The following SPON1 variants were observed in gnomAD, a reference collection of about 807,000 sequenced individuals.
SPON1 encodes the protein spondin-1.
SPON1 carries 52 observed loss-of-function variants against 111.7 expected under a neutral mutation model. The ratio of observed to expected loss-of-function variants is 0.47; its 90% CI spans 0.37 to 0.59. SPON1 has a LOEUF of 0.59. Among genes scored for constraint, SPON1 ranks in the 20% least tolerant of loss-of-function variants. The pLI is 0.00. For missense variants in SPON1, 957 were observed against 1,068.5 expected (o/e 0.90, Z 1.46); for synonymous variants, 410 against 395.8 (o/e 1.04, Z -0.43).
intron 2 of SPON1, among the ~76,000 whole-genome samples, chr11:14,000,101 TA>T (rs1848305469): frequency 6.6e-6 from 1 of 152,216 alleles, no homozygotes. Context: ...TTTTCTATGT[TA>T]GACATCTTTT....
At position 14,259,219 on chromosome 11, in the gene SPON1, G is replaced by A. The variant is rs142369684; in HGVS notation, c.1493-61G>A. On this transcript the variant is annotated intron_variant, in intron 11 of 15. Coordinates refer to ENST00000576479, the MANE Select transcript of SPON1 (RefSeq NM_006108.4). This position sits in a 1 kb window ranked among gnomAD's most constrained non-coding sequence, Gnocchi z 5.0. Reference sequence around the variant, plus strand: ...CCCGCTGGCGGGAAGTTCCCACCGCGCAGCCTGGCAGGCGCCCCTGCCACC... The same window carrying A: ...CCCGCTGGCGGGAAGTTCCCACCGCACAGCCTGGCAGGCGCCCCTGCCACC... 42,451 of 1,493,550 alleles carry A rather than the reference G, an allele frequency of 0.028. 711 individuals carry two copies. The highest frequency in any genetic ancestry group is 0.033 in the Non-Finnish European group (36,877 of 1,116,776). 92.5% of individuals were successfully genotyped at this position (1,493,550 alleles called of 1,614,324 possible).
intron 5 of SPON1, among the ~76,000 whole-genome samples, chr11:14,087,357 T>C (rs1435988311): frequency 4.6e-5 from 7 of 152,312 alleles, no homozygotes; most frequent in African/African-American, 1.4e-4. Context: ...TTTATTCCCA[T>C]TGGTTTCAAA....
intron 6 of SPON1, among the ~76,000 whole-genome samples, chr11:14,195,648 G>T (rs1554934979): frequency 1.3e-5 from 2 of 152,146 alleles, no homozygotes; most frequent in Non-Finnish European, 2.9e-5. Context: ...AGGTTTTAGT[G>T]GGCAGTGAAC....
intron 3 of SPON1, among the ~76,000 whole-genome samples, chr11:14,043,547 G>GGGTTCCC (rs1294141749): frequency 1.3e-5 from 2 of 152,216 alleles, no homozygotes; most frequent in Non-Finnish European, 2.9e-5. Context: ...TCTTAGCCCA[G>GGGTTCCC]AGACTGGGTT....
At chr11:14,013,065 A>G (rs1185028192) in intron 2 of SPON1, among the ~76,000 whole-genome samples, 2 of 152,150 alleles carry the variant, frequency 1.3e-5, no homozygotes, top group Non-Finnish European at 2.9e-5. Flanking sequence ...TCTAAATGTA[A>G]TTTCACACAT....
chr11:13,964,050 C>T (rs1847996435), intron 1 of SPON1, among the ~76,000 whole-genome samples: 1 of 152,102 alleles, frequency 6.6e-6, no homozygotes, highest in Non-Finnish European at 1.5e-5. Context: ...TGAGAGCCTC[C>T]TAGGCGGGAC....
At chr11:13,986,791 C>T (rs1300149600) in intron 2 of SPON1, among the ~76,000 whole-genome samples, 1 of 152,088 alleles carries the variant, frequency 6.6e-6, no homozygotes, top group Non-Finnish European at 1.5e-5. Flanking sequence ...TCAACTCCCA[C>T]TTATGAGTGT....
At chr11:14,015,521 C>A (rs1848438387) in intron 2 of SPON1, among the ~76,000 whole-genome samples, 1 of 152,270 alleles carries the variant, frequency 6.6e-6, no homozygotes, top group Admixed American at 6.5e-5. Context: ...TTTTAGGGGA[C>A]ATTCAGACCA....
chr11:14,212,321 A>G (rs1447594278), intron 6 of SPON1, among the ~76,000 whole-genome samples: 2 of 152,040 alleles, frequency 1.3e-5, no homozygotes, highest in African/African-American at 2.4e-5. Context: ...AAAAATTTCT[A>G]CCTCCATTAC....
rs569794197 is a variant in SPON1 at position 13,996,724 on chromosome 11, T to TATATATATATAC, written c.345+13772_345+13773insTATATATATACA. Among the ~76,000 whole-genome samples the TATATATATATAC allele has an allele frequency of 9.8e-3, 1,484 of 152,012 alleles. 38 individuals carry two copies. Among genetic ancestry groups the TATATATATATAC allele is most frequent in the African/African-American group, 0.034 (1,397 of 41,400 alleles). On this transcript the variant is annotated intron_variant, in intron 2 of 15. Coordinates refer to ENST00000576479, the MANE Select transcript of SPON1 (RefSeq NM_006108.4). Reference sequence around the variant, plus strand: ...ACACCTATGTGTGTATATATATATATACACACACACCTATATATATAATTT... The same window carrying TATATATATATAC: ...ACACCTATGTGTGTATATATATATATATATATATATACACACACACACCTATATATATAATTT...
intron 5 of SPON1, among the ~76,000 whole-genome samples, chr11:14,103,487 G>T (rs2133844775): frequency 6.6e-6 from 1 of 152,312 alleles, no homozygotes; most frequent in African/African-American, 2.4e-5. Flanking sequence ...GAGGGGAAAT[G>T]AGAGAACTGC....
At chr11:14,181,028 C>T (rs1848230926) in intron 6 of SPON1, among the ~76,000 whole-genome samples, 1 of 152,194 alleles carries the variant, frequency 6.6e-6, no homozygotes, top group African/African-American at 2.4e-5. Flanking sequence ...AACTAGTTGT[C>T]AGAACTAAAC....
intron 15 of SPON1, among the ~76,000 whole-genome samples, chr11:14,264,861 C>CA (rs1279081268): frequency 1.3e-5 from 2 of 152,162 alleles, no homozygotes; most frequent in Non-Finnish European, 2.9e-5. Flanking sequence ...GTAGGAAGAA[C>CA]AAAAATTGTA....
At chr11:14,214,309 T>C (rs1848605168) in intron 6 of SPON1, among the ~76,000 whole-genome samples, 2 of 152,084 alleles carry the variant, frequency 1.3e-5, no homozygotes, top group Non-Finnish European at 2.9e-5. Context: ...GTTGTGTAGG[T>C]AATACAGGTT....
chr11:14,200,915 G>A (rs79948195), intron 6 of SPON1, among the ~76,000 whole-genome samples: 5,656 of 151,404 alleles, frequency 0.037, 135 homozygotes, highest in Non-Finnish European at 0.052. Context: ...GATGGTGGCC[G>A]GAAGTTGGGC....
At chr11:14,065,475 C>T (rs373684540) in intron 3 of SPON1, among the ~76,000 whole-genome samples, 1 of 152,174 alleles carries the variant, frequency 6.6e-6, no homozygotes, top group Admixed American at 6.5e-5. Context: ...CACAGAACAC[C>T]GGAGAAACCC....
chr11:14,188,209 G>A (rs12276231), intron 6 of SPON1, among the ~76,000 whole-genome samples: 62,422 of 151,946 alleles, frequency 0.41, 12,988 homozygotes, highest in East Asian at 0.55. Context: ...TGCCCGGCCC[G>A]TAAAAGACTT....
Position 13,997,005 on chromosome 11 carries a change from CTT to C in SPON1, c.345+14054_345+14055del, listed in dbSNP as rs565106175. Among the ~76,000 whole-genome samples the C allele has an allele frequency of 2.8e-3, 419 of 152,274 alleles. 1 individual carries two copies. The highest frequency in any genetic ancestry group is 5.5e-3 in the Admixed American group (84 of 15,286). ...GCAGTGAACACCGTAACACATAAAT[CTT>C]TGCACCTGTATTTGCTTATGATAAA... On this transcript the variant is annotated intron_variant, in intron 2 of 15. Transcript: ENST00000576479.
chr11:14,115,169 A>G (rs1474366509), intron 5 of SPON1, among the ~76,000 whole-genome samples: 3 of 152,188 alleles, frequency 2.0e-5, no homozygotes, highest in African/African-American at 7.2e-5. Flanking sequence ...TTTTCATCCA[A>G]TGCAGCTCAA....
Sources: gnomAD v4.1 joint callset for allele counts (sites outside exome capture counted in the v4.1 genomes callset) on GRCh38, gnomAD v4.1.1 for gene constraint, Gnocchi (gnomAD v3.1) non-coding constraint, MANE v1.5 for transcripts, NCBI Gene and HGNC (gene_info 2026-07-23, HGNC 2026-07-21) for gene names.